Variants in MAP4 observed in about 807,000 individuals in gnomAD.
The protein encoded by MAP4 is microtubule associated protein 4.
MAP4 carries 76 observed loss-of-function variants against 170.2 expected under a neutral mutation model. That is an observed-to-expected ratio of 0.45 (90% CI 0.37 to 0.54). The LOEUF (loss-of-function observed/expected upper bound fraction) is 0.54. MAP4 is among the 20% of genes least tolerant of loss of function. The pLI is 0.00. For missense variants in MAP4, 2,506 were observed against 2,748.0 expected, an observed-to-expected ratio of 0.91 and a Z score of 1.97; for synonymous variants, 909 against 994.5, an observed-to-expected ratio of 0.91 and a Z score of 1.62.
intron 3 of MAP4, among the ~76,000 whole-genome samples, chr3:47,943,076 G>A (rs2100057533): frequency 1.3e-5 from 2 of 151,980 alleles, no homozygotes; most frequent in African/African-American, 4.8e-5. Flanking sequence ...TAGAACCACT[G>A]TATTCCTGGG....
rs2100030917 is a variant in MAP4, at chr3:47,902,934, CAA to C, written c.5434+14_5434+15del. On this transcript the variant is annotated intron_variant, in intron 10 of 20. Coordinates refer to ENST00000683076, the MANE Select transcript of MAP4 (RefSeq NM_001385682.1). Reference sequence around the variant, plus strand: ...TTATAAATTACTTCAAGTTTCACACCAAGAGAGTTTCTCACCATAAACTGACA... The same window carrying C: ...TTATAAATTACTTCAAGTTTCACACCGAGAGTTTCTCACCATAAACTGACA... 1.0e-6 allele frequency: 1 copy of C among 982,382 alleles called. No individual in the cohort carries two copies. The allele number at this position is 982,382 out of a possible 1,614,324, so 60.9% of individuals were successfully genotyped here.
intron 1 of MAP4, among the ~76,000 whole-genome samples, chr3:48,076,690 A>AGAAC (rs1170297567): frequency 6.6e-6 from 1 of 152,052 alleles, no homozygotes; most frequent in African/African-American, 2.4e-5. Flanking sequence ...GAAAGAAGAA[A>AGAAC]GAACGAACGA....
At chr3:47,915,531 G>T (rs1254846959) in intron 7 of MAP4, among the ~76,000 whole-genome samples, 2 of 152,118 alleles carry the variant, frequency 1.3e-5, no homozygotes, top group Non-Finnish European at 2.9e-5. Context: ...GAATACATGG[G>T]GCAATATATC....
rs1381310867 is a variant in MAP4, at chr3:47,852,375, G to A, written c.*559C>T. ...AAGAAGGGCCCGACACCACCTGCATGGGGAGGGGGGGGCGCCCATTTGTGG... is the reference window on the plus strand; with the variant it reads ...AAGAAGGGCCCGACACCACCTGCATAGGGAGGGGGGGGCGCCCATTTGTGG... On this transcript the variant is annotated 3_prime_UTR_variant, in exon 21 of 21. Transcript: ENST00000683076. The A allele has an allele frequency of 1.1e-5, 2 of 183,682 alleles. No individual in the cohort carries two copies. The highest frequency in any genetic ancestry group is 4.8e-5 in the African/African-American group (2 of 42,064). 11.4% of individuals were successfully genotyped at this position (183,682 alleles called of 1,614,324 possible).
At chr3:48,064,907 T>C (rs1343874527) in intron 1 of MAP4, among the ~76,000 whole-genome samples, 1 of 152,102 alleles carries the variant, frequency 6.6e-6, no homozygotes, top group Non-Finnish European at 1.5e-5. Context: ...TGCCAAGCAT[T>C]ACATCACTAG....
At chr3:48,072,942 A>G (rs2100141733) in intron 1 of MAP4, among the ~76,000 whole-genome samples, 1 of 152,102 alleles carries the variant, frequency 6.6e-6, no homozygotes, top group African/African-American at 2.4e-5. Flanking sequence ...AGATATATTT[A>G]ATTTTAGGCC....
intron 10 of MAP4, among the ~76,000 whole-genome samples, chr3:47,878,975 T>C (rs2096111106): frequency 6.6e-6 from 1 of 152,248 alleles, no homozygotes; most frequent in Non-Finnish European, 1.5e-5. Flanking sequence ...AGTGTCATTT[T>C]CTGAAAATTA....
chr3:48,048,504 A>ATTTTTTTTTTTTTTTTTTTTTTT (rs2100125730), intron 1 of MAP4, among the ~76,000 whole-genome samples: 1 of 119,758 alleles, frequency 8.4e-6, no homozygotes. Flanking sequence ...GATCTCAATT[A>ATTTTTTTTTTTTTTTTTTTTTTT]TCTTTTTTTT....
At chr3:47,919,745 G>C (rs1163188656) in intron 5 of MAP4, among the ~76,000 whole-genome samples, 3 of 152,030 alleles carry the variant, frequency 2.0e-5, no homozygotes, top group Non-Finnish European at 4.4e-5. Flanking sequence ...TATATAAAGG[G>C]TAATATAAAG....
chr3:48,061,241 G>C (rs937262831), intron 1 of MAP4, among the ~76,000 whole-genome samples: 8 of 141,388 alleles, frequency 5.7e-5, no homozygotes, highest in Admixed American at 4.4e-4. Context: ...CTCTGATGCC[G>C]AGCCGAAGCT....
intron 3 of MAP4, among the ~76,000 whole-genome samples, chr3:47,929,627 CAAAAAAAAAAA>C (rs71070242): frequency 2.8e-3 from 31 of 11,208 alleles, no homozygotes; most frequent in East Asian, 0.012. Context: ...ACTTATTATG[CAAAAAAAAAAA>C]AAAAAAAAAA....
intron 1 of MAP4, among the ~76,000 whole-genome samples, chr3:48,005,914 T>A (rs2100102062): frequency 6.6e-6 from 1 of 152,144 alleles, no homozygotes; most frequent in South Asian, 2.1e-4. Flanking sequence ...AGGGGCCAAG[T>A]AGCAGCACTC....
chr3:48,077,128 C>CA (rs1200355377), intron 1 of MAP4, among the ~76,000 whole-genome samples: 1 of 151,232 alleles, frequency 6.6e-6, no homozygotes, highest in Admixed American at 6.6e-5. Context: ...GCCTGAGTGA[C>CA]AGAGCAAGAT....
In MAP4 at chr3:47,855,407, C is replaced by A; in HGVS notation, c.6584-47G>T. 5.1e-6 allele frequency: 6 copies of A among 1,177,812 alleles called. No individual in the cohort carries two copies. The highest frequency in any genetic ancestry group is 7.7e-6 in the Non-Finnish European group (6 of 781,858). The allele number at this position is 1,177,812 out of a possible 1,614,324, so 73.0% of individuals were successfully genotyped here. On this transcript the variant is annotated intron_variant, in intron 18 of 20. Coordinates refer to ENST00000683076, the MANE Select transcript of MAP4 (RefSeq NM_001385682.1). The surrounding 1 kb of genome is among the most constrained non-coding windows in gnomAD (Gnocchi z 5.1). Reference sequence around the variant, plus strand: ...TCACCTAGGGTGGCAGAGGAATATCCCTGCAGGCAAAACCAGGACTAGCGA... The same window carrying A: ...TCACCTAGGGTGGCAGAGGAATATCACTGCAGGCAAAACCAGGACTAGCGA...
In MAP4 at chr3:47,916,269, C is replaced by T; in HGVS notation, c.1558G>A (p.Val520Met). 6.2e-7 allele frequency: 1 copy of T among 1,614,234 alleles called. No individual in the cohort carries two copies. Among genetic ancestry groups the T allele is most frequent in the Non-Finnish European group, 8.5e-7 (1 of 1,180,044 alleles). ...SETEMALGKD[V>M]TPPPETEVVL... ...ACTTCTGTTTCTGGAGGTGGAGTCA[C>T]ATCCTTGCCCAGAGCCATTTCTGTT... The change falls in exon 7 of 21, where the codon GTG becomes ATG. Residue 520 changes from valine (V) to methionine (M), a missense_variant. Val to Met is a conservative substitution (Grantham distance 21). Coordinates refer to ENST00000683076, the MANE Select transcript of MAP4 (RefSeq NM_001385682.1).
chr3:47,916,131 G>A lies in MAP4; in HGVS notation c.1696C>T (p.Leu566=), dbSNP rs2153600042. 3 of 1,614,230 alleles carry A rather than the reference G, an allele frequency of 1.9e-6. No homozygotes were observed. The highest frequency in any genetic ancestry group is 4.5e-5 in the East Asian group (2 of 44,882). ...TTGGCTGGAGTCACATTGTTGGCCA[G>A]GGTCAGAACCCCATCCTTAGCCAGG... is the stretch of plus-strand genomic sequence containing the variant. ...APLAKDGVLT[L]ANNVTPAKDV... Residue 566 remains leucine, a synonymous_variant, in exon 7 of 21, where the codon CTG becomes TTG. Coordinates refer to ENST00000683076, the MANE Select transcript of MAP4 (RefSeq NM_001385682.1).
intron 1 of MAP4, among the ~76,000 whole-genome samples, chr3:48,060,705 G>A (rs1326864904): frequency 6.6e-6 from 1 of 151,464 alleles, no homozygotes; most frequent in Non-Finnish European, 1.5e-5. Context: ...CAGGAGCCCA[G>A]GAGTTCAAGA....
chr3:48,011,213 A>G (rs1490398398), intron 1 of MAP4, among the ~76,000 whole-genome samples: 3 of 152,184 alleles, frequency 2.0e-5, no homozygotes, highest in Non-Finnish European at 4.4e-5. Context: ...TGAAGGAACC[A>G]TAAATAGGAA....
At chr3:48,023,463 A>C (rs768188041) in intron 1 of MAP4, among the ~76,000 whole-genome samples, 3 of 152,264 alleles carry the variant, frequency 2.0e-5, no homozygotes, top group Non-Finnish European at 4.4e-5. Flanking sequence ...ACTCCAAAAC[A>C]GCAGCTGAAA....
Sources: allele counts gnomAD v4.1 joint callset (sites outside exome capture counted in the v4.1 genomes callset), GRCh38; gene constraint gnomAD v4.1.1; non-coding constraint Gnocchi (gnomAD v3.1); transcripts MANE v1.5; gene names NCBI Gene and HGNC (gene_info 2026-07-23, HGNC 2026-07-21).